The following BCL2L1 variants were observed in gnomAD, a reference collection of about 807,000 sequenced individuals.
BCL2L1 encodes the protein bcl-2-like protein 1.
Under a neutral mutation model 18.7 loss-of-function variants are expected in BCL2L1, and 1 was observed. The observed-to-expected ratio is 0.05, with a 90% CI of 0.02 to 0.25. The LOEUF is 0.25. Ranked by LOEUF, BCL2L1 falls within the 10% of genes least tolerant of loss-of-function variation. The pLI is 1.00. For missense variants in BCL2L1, 207 were observed against 304.9 expected (o/e 0.68, Z 2.39); for synonymous variants, 103 against 122.7 (o/e 0.84, Z 1.06).
chr20:31,714,174 T>C (rs545602306), intron 2 of BCL2L1, among the ~76,000 whole-genome samples: 1 of 152,332 alleles, frequency 6.6e-6, no homozygotes, highest in African/African-American at 2.4e-5. Context: ...TATGCTGTAA[T>C]GGTGGAATCC....
chr20:31,711,584 A>T (rs2061453723), intron 2 of BCL2L1, among the ~76,000 whole-genome samples: 1 of 152,222 alleles, frequency 6.6e-6, no homozygotes, highest in Non-Finnish European at 1.5e-5. Context: ...ATTACAAAGC[A>T]TTTGTCAATA....
intron 2 of BCL2L1, among the ~76,000 whole-genome samples, chr20:31,707,371 A>C (rs1452806946): frequency 6.6e-6 from 1 of 152,274 alleles, no homozygotes; most frequent in African/African-American, 2.4e-5. Context: ...GCAATGTGAC[A>C]ATAACAGTAA....
chr20:31,721,648 T>C lies in BCL2L1; in HGVS notation c.564+7A>G, dbSNP rs1294289089. On this transcript the variant is annotated splice_region_variant and intron_variant, in intron 2 of 2. Transcript: ENST00000307677. ...GAAAAGGGACACACAAGGGGCTTGG[T>C]TCTTACCCAGCCGCCGTTCTCCTGG... 3 of 1,595,570 alleles carry C rather than the reference T, an allele frequency of 1.9e-6. No individual in the cohort carries two copies. The highest frequency in any genetic ancestry group is 2.6e-6 in the Non-Finnish European group (3 of 1,169,654).
intron 2 of BCL2L1, among the ~76,000 whole-genome samples, chr20:31,697,490 T>G (rs2122672890): frequency 6.6e-6 from 1 of 151,400 alleles, no homozygotes; most frequent in African/African-American, 2.4e-5. Flanking sequence ...CAGGCTGGAG[T>G]GCAGTGGCAC....
intron 2 of BCL2L1, among the ~76,000 whole-genome samples, chr20:31,674,537 G>A: frequency 6.6e-6 from 1 of 152,096 alleles, no homozygotes; most frequent in Non-Finnish European, 1.5e-5. Flanking sequence ...CTAAGTCCAG[G>A]TAACCTGAGG....
At chr20:31,707,949 A>G (rs908387318) in intron 2 of BCL2L1, among the ~76,000 whole-genome samples, 2 of 152,304 alleles carry the variant, frequency 1.3e-5, no homozygotes, top group Non-Finnish European at 2.9e-5. Flanking sequence ...CTGACTCTTA[A>G]CAACGATGGA....
chr20:31,707,604 C>T (rs1015022046), intron 2 of BCL2L1, among the ~76,000 whole-genome samples: 1 of 151,784 alleles, frequency 6.6e-6, no homozygotes, highest in Non-Finnish European at 1.5e-5. Flanking sequence ...CATGGAGAAA[C>T]CCCGTCTCTA....
At position 31,704,418 on chromosome 20, in the gene BCL2L1, G is replaced by C. The variant is rs570644360; in HGVS notation, c.564+17237C>G. 1.4e-3 allele frequency among the ~76,000 whole-genome samples: 217 copies of C among 152,256 alleles called. 2 individuals carry two copies. The highest frequency in any genetic ancestry group is 2.0e-3 in the Non-Finnish European group (133 of 68,020). ...CCCAGCCTGAACTTGGTTTTTAAAA[G>C]ACCACTTTGGCTGGAGTATTGGGCA... On this transcript the variant is annotated intron_variant, in intron 2 of 2. Transcript: ENST00000307677.
intron 2 of BCL2L1, among the ~76,000 whole-genome samples, chr20:31,680,487 T>TA (rs1481011918): frequency 6.6e-6 from 1 of 152,184 alleles, no homozygotes; most frequent in African/African-American, 2.4e-5. Flanking sequence ...GGACAGTACT[T>TA]GCAGAGAGAG....
intron 2 of BCL2L1, among the ~76,000 whole-genome samples, chr20:31,697,892 G>GTTTTTTTTTTGTTTGTTTGTTT (rs1555871509): frequency 7.7e-6 from 1 of 129,640 alleles, no homozygotes; most frequent in African/African-American, 3.3e-5. Flanking sequence ...TGCTGTTGCT[G>GTTTTTTTTTTGTTTGTTTGTTT]TTTTTTTTTT....
chr20:31,665,758 T>G lies in BCL2L1; in HGVS notation c.*191A>C. ...TTCTGAGGCCAAGGGAACTGAGGTG[T>G]GGGGGTCTCACAGAAGTGTGATAAA... On this transcript the variant is annotated 3_prime_UTR_variant, in exon 3 of 3. Coordinates refer to ENST00000307677, the MANE Select transcript of BCL2L1 (RefSeq NM_138578.3). The G allele has an allele frequency of 1.4e-6, 1 of 710,646 alleles. No homozygotes were observed. The highest frequency in any genetic ancestry group is 2.8e-5 in the East Asian group (1 of 35,932). The allele number at this position is 710,646 out of a possible 1,614,324, so 44.0% of individuals were successfully genotyped here.
chr20:31,668,939 C>T (rs535218609), intron 2 of BCL2L1, among the ~76,000 whole-genome samples: 163 of 151,884 alleles, frequency 1.1e-3, no homozygotes, highest in Non-Finnish European at 1.9e-3. Flanking sequence ...AAAGATGTGC[C>T]CAGACTGACT....
chr20:31,707,616 T>TA (rs1258872398), intron 2 of BCL2L1, among the ~76,000 whole-genome samples: 4 of 151,502 alleles, frequency 2.6e-5, no homozygotes, highest in Non-Finnish European at 5.9e-5. Flanking sequence ...CCGTCTCTAC[T>TA]AAAAAAACAA....
chr20:31,723,350 G>C (rs991751553), upstream of BCL2L1: 2 of 985,374 alleles, frequency 2.0e-6, no homozygotes, highest in African/African-American at 3.5e-5. Flanking sequence ...CCTCTCCTCA[G>C]GTCAGGAAGA....
intron 2 of BCL2L1, among the ~76,000 whole-genome samples, chr20:31,678,805 C>T (rs1393099748): frequency 6.6e-6 from 1 of 152,168 alleles, no homozygotes; most frequent in Non-Finnish European, 1.5e-5. Context: ...TATTTTCAGC[C>T]ACCTTTATCT....
chr20:31,699,269 C>T (rs1241433488), intron 2 of BCL2L1, among the ~76,000 whole-genome samples: 1 of 152,254 alleles, frequency 6.6e-6, no homozygotes, highest in African/African-American at 2.4e-5. Flanking sequence ...ATACTCCAGC[C>T]TCATTCTGAA....
chr20:31,678,884 C>T (rs1437813979), intron 2 of BCL2L1, among the ~76,000 whole-genome samples: 1 of 152,202 alleles, frequency 6.6e-6, no homozygotes, highest in Non-Finnish European at 1.5e-5. Flanking sequence ...GGGAGCAAAT[C>T]CCTGCAACAC....
chr20:31,711,201 C>T (rs2061448792), intron 2 of BCL2L1, among the ~76,000 whole-genome samples: 1 of 152,210 alleles, frequency 6.6e-6, no homozygotes, highest in Admixed American at 6.5e-5. Flanking sequence ...CCAAAAAACA[C>T]ACTTACATTT....
At chr20:31,674,479 A>G (rs1220463226) in intron 2 of BCL2L1, among the ~76,000 whole-genome samples, 2 of 152,174 alleles carry the variant, frequency 1.3e-5, no homozygotes, top group Non-Finnish European at 1.5e-5. Context: ...CTAAAGGACA[A>G]TCATGGGCCA....
Sources: allele counts gnomAD v4.1 joint callset (sites outside exome capture counted in the v4.1 genomes callset), GRCh38; gene constraint gnomAD v4.1.1; transcripts MANE v1.5; gene names NCBI Gene and HGNC (gene_info 2026-07-23, HGNC 2026-07-21).